Variants in C11orf52 observed in about 807,000 individuals in gnomAD.
The protein encoded by C11orf52 is uncharacterized protein C11orf52.
C11orf52 carries 9 observed loss-of-function variants against 11.7 expected under a neutral mutation model. The ratio of observed to expected loss-of-function variants is 0.77; its 90% CI spans 0.46 to 1.34. The LOEUF is 1.34. C11orf52 is among the 40% of genes most tolerant of loss of function. C11orf52 has a pLI of 0.00. For missense variants in C11orf52, 139 were observed against 154.8 expected, an observed-to-expected ratio of 0.90 and a Z score of 0.54; for synonymous variants, 49 against 57.4, an observed-to-expected ratio of 0.85 and a Z score of 0.66.
rs782002030 is a variant in C11orf52, at chr11:111,925,952, C to G, written c.133-8C>G. 14 of 1,614,016 alleles carry G rather than the reference C, an allele frequency of 8.7e-6. No individual in the cohort carries two copies. Among genetic ancestry groups the G allele is most frequent in the Non-Finnish European group, 8.5e-7 (1 of 1,180,016 alleles). On this transcript the variant is annotated splice_polypyrimidine_tract_variant and splice_region_variant and intron_variant, in intron 3 of 3. Transcript: ENST00000278601. ...TGAATCTCCCTTAATGCTATCCATTCCTCGCAGGGCCATGAAACAACAGGA... is the reference window on the plus strand; with the variant it reads ...TGAATCTCCCTTAATGCTATCCATTGCTCGCAGGGCCATGAAACAACAGGA...
intron 3 of C11orf52, 85 bp from the exon 4 acceptor site, chr11:111,925,875 G>A: frequency 6.3e-7 from 1 of 1,594,644 alleles, no homozygotes; most frequent in Admixed American, 1.7e-5. Flanking sequence ...CAAAGCGAAG[G>A]GACATCAGTT....
intron 1 of C11orf52, among the ~76,000 whole-genome samples, chr11:111,921,029 T>A (rs1365076977): frequency 6.6e-6 from 1 of 152,212 alleles, no homozygotes. Flanking sequence ...TTTCCCAGAA[T>A]TTTCATCACT....
At chr11:111,924,293 T>C (rs782428432) in intron 1 of C11orf52, 33 bp from the exon 2 acceptor site, 1 of 1,609,180 alleles carries the variant, frequency 6.2e-7, no homozygotes, top group Admixed American at 1.7e-5. Flanking sequence ...GCCAGGGCTC[T>C]TGCACATGGG....
At position 111,920,523 on chromosome 11, in the gene C11orf52, G is replaced by A. The variant is rs1030221745; in HGVS notation, c.32+1519G>A. On this transcript the variant is annotated intron_variant, in intron 1 of 3. Transcript: ENST00000278601. ...ACTGCAGTCCAGACTGGGCAACAGA[G>A]CGAGACTATGTCTTGAAAAAAAAAA... Among the ~76,000 whole-genome samples, 3 of 151,988 alleles carry A rather than the reference G, an allele frequency of 2.0e-5. No individual in the cohort carries two copies. In the East Asian group the frequency reaches 5.8e-4, roughly 29 times the overall value.
intron 2 of C11orf52, among the ~76,000 whole-genome samples, chr11:111,924,939 C>G (rs1295390432): frequency 6.6e-6 from 1 of 152,144 alleles, no homozygotes; most frequent in Non-Finnish European, 1.5e-5. Flanking sequence ...GCCTGGTCAA[C>G]ATGGTGAAAC....
intron 1 of C11orf52, among the ~76,000 whole-genome samples, chr11:111,923,463 C>A (rs191890570): frequency 2.6e-5 from 4 of 152,322 alleles, no homozygotes; most frequent in Admixed American, 2.6e-4. Context: ...GATGAGAGAT[C>A]AGGCAGACAA....
At chr11:111,925,811 G>A in intron 3 of C11orf52, 97 bp downstream of exon 3, 1 of 1,568,672 alleles carries the variant, frequency 6.4e-7, no homozygotes, top group Non-Finnish European at 8.7e-7. Context: ...TCAGTCACCT[G>A]TAGAATTTGC....
At chr11:111,921,217 T>G (rs1477656984) in intron 1 of C11orf52, among the ~76,000 whole-genome samples, 4 of 152,254 alleles carry the variant, frequency 2.6e-5, no homozygotes, top group Non-Finnish European at 5.9e-5. Flanking sequence ...CCTGCCCTAC[T>G]ACTCATTCAT....
chr11:111,924,661 C>A (rs1428439177), intron 2 of C11orf52, among the ~76,000 whole-genome samples: 2 of 152,068 alleles, frequency 1.3e-5, no homozygotes, highest in Non-Finnish European at 2.9e-5. Flanking sequence ...GGCAGAGAGG[C>A]ACAAGAGGAA....
chr11:111,919,786 G>A (rs1965659490), intron 1 of C11orf52, among the ~76,000 whole-genome samples: 1 of 152,232 alleles, frequency 6.6e-6, no homozygotes, highest in Non-Finnish European at 1.5e-5. Context: ...TGGCTGGTAA[G>A]CAAGTAAACC....
At chr11:111,919,108 T>A in intron 1 of C11orf52, 104 bp downstream of exon 1, 1 of 1,284,430 alleles carries the variant, frequency 7.8e-7, no homozygotes, top group Non-Finnish European at 1.1e-6. Flanking sequence ...AGCCTCCCAC[T>A]GCCACCTTCC....
chr11:111,925,911 G>A (rs1348377937), intron 3 of C11orf52, 49 bp from the exon 4 acceptor site: 1 of 1,609,524 alleles, frequency 6.2e-7, no homozygotes, highest in African/African-American at 1.3e-5. Flanking sequence ...TGGAGGTGAG[G>A]GGCAAAACCA....
At chr11:111,920,786 G>C (rs1406731741) in intron 1 of C11orf52, among the ~76,000 whole-genome samples, 1 of 151,980 alleles carries the variant, frequency 6.6e-6, no homozygotes, top group African/African-American at 2.4e-5. Flanking sequence ...AAAAATAAAA[G>C]GGCAGAAGTA....
At chr11:111,924,632 C>T (rs1299199675) in intron 2 of C11orf52, among the ~76,000 whole-genome samples, 1 of 152,126 alleles carries the variant, frequency 6.6e-6, no homozygotes, top group Non-Finnish European at 1.5e-5. Context: ...TACGTCAGGA[C>T]CTGTGTGGGT....
intron 1 of C11orf52, among the ~76,000 whole-genome samples, chr11:111,923,222 A>G (rs1965728595): frequency 6.6e-6 from 1 of 152,270 alleles, no homozygotes; most frequent in South Asian, 2.1e-4. Context: ...GAAGAAGTAG[A>G]AAAACACAGG....
At chr11:111,924,605 A>C (rs1965756600) in intron 2 of C11orf52, among the ~76,000 whole-genome samples, 1 of 152,142 alleles carries the variant, frequency 6.6e-6, no homozygotes. Context: ...GCAAATATTT[A>C]CTCAGCACTT....
At chr11:111,919,860 C>T (rs371819893) in intron 1 of C11orf52, among the ~76,000 whole-genome samples, 7 of 152,262 alleles carry the variant, frequency 4.6e-5, no homozygotes, top group African/African-American at 1.7e-4. Flanking sequence ...ATAATATTGC[C>T]TCTTAGATCA....
chr11:111,920,917 A>C (rs1555166502), intron 1 of C11orf52, among the ~76,000 whole-genome samples: 1 of 152,232 alleles, frequency 6.6e-6, no homozygotes, highest in African/African-American at 2.4e-5. Flanking sequence ...AATGTAGATA[A>C]TACATCCTAC....
At chr11:111,920,545 AAAAAG>A (rs1367505790) in intron 1 of C11orf52, among the ~76,000 whole-genome samples, 2 of 151,936 alleles carry the variant, frequency 1.3e-5, no homozygotes, top group East Asian at 1.9e-4. Flanking sequence ...CTTGAAAAAA[AAAAAG>A]AAAAGGAGTT....
Sources: allele counts gnomAD v4.1 joint callset (sites outside exome capture counted in the v4.1 genomes callset), GRCh38; gene constraint gnomAD v4.1.1; transcripts MANE v1.5; gene names NCBI Gene and HGNC (gene_info 2026-07-23, HGNC 2026-07-21).